AKAP13: variants seen among roughly 807,000 people sequenced by gnomAD.
The protein encoded by AKAP13 is A-kinase anchor protein 13.
AKAP13 carries 80 observed loss-of-function variants against 264.5 expected under a neutral mutation model. That is an observed-to-expected ratio of 0.30 (90% confidence interval 0.25 to 0.36). AKAP13 has a LOEUF of 0.36. Among genes scored for constraint, AKAP13 ranks in the 10% least tolerant of loss-of-function variants. AKAP13 has a pLI of 1.00. For missense variants in AKAP13, 3,712 were observed against 3,435.2 expected, an observed-to-expected ratio of 1.08 and a Z score of -2.01; for synonymous variants, 1,380 against 1,250.2, an observed-to-expected ratio of 1.10 and a Z score of -2.19.
chr15:85,534,104 G>C, intron 4 of AKAP13: 1 of 473,274 alleles, frequency 2.1e-6, no homozygotes, highest in South Asian at 4.9e-5. Context: ...GATTACCCAA[G>C]GAGAGTGGCA....
intron 18 of AKAP13, among the ~76,000 whole-genome samples, chr15:85,710,191 C>T (rs1365222596): frequency 1.3e-5 from 2 of 152,082 alleles, no homozygotes; most frequent in African/African-American, 4.8e-5. Context: ...AAGATGCTGC[C>T]CTTAAGGCAC....
chr15:85,743,463 G>A, intron 35 of AKAP13, 29 bp from the exon 36 acceptor site: 4 of 1,598,824 alleles, frequency 2.5e-6, no homozygotes, highest in Non-Finnish European at 3.4e-6. Flanking sequence ...CAGCCTCCAA[G>A]TGAAAACCCT....
intron 8 of AKAP13, among the ~76,000 whole-genome samples, chr15:85,609,184 A>G (rs768433369): frequency 6.6e-6 from 1 of 152,206 alleles, no homozygotes; most frequent in Non-Finnish European, 1.5e-5. Flanking sequence ...ATTGCTAACT[A>G]TAGTCACCCT....
intron 19 of AKAP13, among the ~76,000 whole-genome samples, chr15:85,713,604 C>G (rs1259191802): frequency 6.6e-6 from 1 of 152,090 alleles, no homozygotes; most frequent in African/African-American, 2.4e-5. Flanking sequence ...AGGGCCACAT[C>G]CCATAATCCT....
intron 2 of AKAP13, among the ~76,000 whole-genome samples, chr15:85,516,840 G>A (rs1450107862): frequency 6.6e-6 from 1 of 152,208 alleles, no homozygotes; most frequent in African/African-American, 2.4e-5. Context: ...GTGAAGACAC[G>A]CAGCAGGACA....
intron 8 of AKAP13, among the ~76,000 whole-genome samples, chr15:85,625,475 T>C (rs1176763629): frequency 1.3e-5 from 2 of 152,192 alleles, no homozygotes; most frequent in Non-Finnish European, 2.9e-5. Context: ...CCTCAGTCTT[T>C]GAATCACGTT....
intron 8 of AKAP13, chr15:85,624,586 G>A (rs977971578): frequency 2.0e-5 from 3 of 152,268 alleles, no homozygotes; most frequent in African/African-American, 4.8e-5. Context: ...TTTGACTCAA[G>A]TGTTGGCTTC....
At chr15:85,617,324 A>G (rs754417611) in intron 8 of AKAP13, among the ~76,000 whole-genome samples, 1 of 152,086 alleles carries the variant, frequency 6.6e-6, no homozygotes, top group African/African-American at 2.4e-5. Context: ...GCTCACTGCA[A>G]CCTCCGCCTC....
chr15:85,725,716 C>G (rs1253984462), intron 26 of AKAP13, among the ~76,000 whole-genome samples: 2 of 152,202 alleles, frequency 1.3e-5, no homozygotes, highest in Non-Finnish European at 2.9e-5. Context: ...ATAGACTCAA[C>G]TCCAGAGACA....
chr15:85,520,627 GGATAAA>G, intron 2 of AKAP13: 1 of 518,314 alleles, frequency 1.9e-6, no homozygotes, highest in Non-Finnish European at 3.9e-6. Context: ...ATGTAGGGGT[GGATAAA>G]GAAGAGTAGG....
intron 8 of AKAP13, among the ~76,000 whole-genome samples, chr15:85,633,545 T>C (rs931052543): frequency 1.1e-4 from 15 of 132,206 alleles, no homozygotes; most frequent in South Asian, 5.0e-4. Flanking sequence ...CTTTTTTTTT[T>C]TTTTTTTTTT....
At chr15:85,540,541 G>C (rs1351310419) in intron 4 of AKAP13, among the ~76,000 whole-genome samples, 2 of 152,174 alleles carry the variant, frequency 1.3e-5, no homozygotes, top group African/African-American at 2.4e-5. Context: ...AAGGCCATTA[G>C]TGATCTAAAA....
chr15:85,441,148 C>T (rs2150955019), intron 1 of AKAP13, among the ~76,000 whole-genome samples: 1 of 152,178 alleles, frequency 6.6e-6, no homozygotes, highest in Admixed American at 6.5e-5. Context: ...GTTCCTCCAG[C>T]AATATATGAG....
intron 14 of AKAP13, among the ~76,000 whole-genome samples, chr15:85,677,996 T>C (rs770792913): frequency 2.0e-5 from 3 of 152,046 alleles, no homozygotes; most frequent in East Asian, 3.8e-4. Context: ...TTTTGAACTT[T>C]TATTTTTACT....
chr15:85,478,657 T>C (rs554130862), intron 1 of AKAP13, among the ~76,000 whole-genome samples: 2 of 152,318 alleles, frequency 1.3e-5, no homozygotes, highest in African/African-American at 4.8e-5. Context: ...TTACCCTGTG[T>C]TAGACTCTTC....
Position 85,387,812 on chromosome 15 carries a change from G to T in AKAP13, c.-12+7014G>T, listed in dbSNP as rs559881796. ...CTTATACATGTATTTCATGTATTCT[G>T]GTGTTGTTGTGAATGATACTTCTCA... On this transcript the variant is annotated intron_variant, in intron 1 of 36. Coordinates refer to ENST00000394518, the MANE Select transcript of AKAP13 (RefSeq NM_007200.5). Among the ~76,000 whole-genome samples, 234 of 152,150 alleles carry T rather than the reference G, an allele frequency of 1.5e-3. 1 individual carries two copies. The highest frequency in any genetic ancestry group is 6.8e-3 in the Middle Eastern group (2 of 294).
At position 85,718,068 on chromosome 15, in the gene AKAP13, G is replaced by C; in HGVS notation, c.5910G>C (p.Gln1970His). 5 of 1,614,160 alleles carry C rather than the reference G, an allele frequency of 3.1e-6. No homozygotes were observed. The highest frequency in any genetic ancestry group is 4.2e-6 in the Non-Finnish European group (5 of 1,180,010). ...LLGDFEIESK[Q>H]LEAESWSRII... ...GAGACTTTGAGATTGAGTCCAAACA[G>C]CTGGAAGCAGAGTCTTGGAGTCGGA... Residue 1970 changes from glutamine (Q) to histidine (H), a missense_variant, in exon 22 of 37, where the codon CAG becomes CAC. Around this residue, in one of 3 missense-constraint regions of AKAP13, gnomAD observed 2,759 missense variants for 2,411.7 expected, o/e 1.14. Coordinates refer to ENST00000394518, the MANE Select transcript of AKAP13 (RefSeq NM_007200.5). The surrounding 1 kb of genome is among the most constrained non-coding windows in gnomAD (Gnocchi z 4.9).
chr15:85,543,148 G>A (rs1238211165), intron 4 of AKAP13, among the ~76,000 whole-genome samples: 3 of 152,046 alleles, frequency 2.0e-5, no homozygotes, highest in Non-Finnish European at 2.9e-5. Flanking sequence ...CTTCCTTATT[G>A]TGCCAGGAGA....
intron 16 of AKAP13, among the ~76,000 whole-genome samples, chr15:85,692,202 G>A (rs2085324824): frequency 6.6e-6 from 1 of 152,098 alleles, no homozygotes; most frequent in Non-Finnish European, 1.5e-5. Flanking sequence ...CTTACTGCAA[G>A]CAATACCTTT....
Sources: gnomAD v4.1 joint callset for allele counts (sites outside exome capture counted in the v4.1 genomes callset) on GRCh38, gnomAD v4.1.1 for gene constraint, gnomAD v4.1.1 regional missense constraint, Gnocchi (gnomAD v3.1) non-coding constraint, MANE v1.5 for transcripts, NCBI Gene and HGNC (gene_info 2026-07-23, HGNC 2026-07-21) for gene names.